SPIRE1: variants seen among roughly 807,000 people sequenced by gnomAD.
SPIRE1 encodes the protein protein spire homolog 1.
A neutral mutation model predicts 94.1 loss-of-function variants in SPIRE1; 40 were observed. That is an observed-to-expected ratio of 0.43 (90% CI 0.33 to 0.55). SPIRE1 has a LOEUF of 0.55. SPIRE1 is among the 20% of genes least tolerant of loss of function. SPIRE1 has a pLI of 0.06. For synonymous variants in SPIRE1, 376 were observed against 371.7 expected (o/e 1.01, Z -0.13); for missense variants, 838 against 975.2 (o/e 0.86, Z 1.87).
intron 10 of SPIRE1, among the ~76,000 whole-genome samples, chr18:12,465,955 G>A (rs185699648): frequency 7.8e-4 from 118 of 151,938 alleles, no homozygotes; most frequent in African/African-American, 2.7e-3. Context: ...GTGGTGGCAC[G>A]CGCCTGTAGT....
intron 2 of SPIRE1, among the ~76,000 whole-genome samples, chr18:12,574,814 G>C (rs779828257): frequency 6.6e-6 from 1 of 152,226 alleles, no homozygotes; most frequent in African/African-American, 2.4e-5. Context: ...TTGGGAAAGG[G>C]AGAAAAGGAT....
chr18:12,658,180 C>A (rs1187228400), upstream of SPIRE1: 2 of 796,574 alleles, frequency 2.5e-6, no homozygotes, highest in African/African-American at 1.9e-5. Flanking sequence ...GGGGGCCGCA[C>A]GGGCCGGGGG....
At chr18:12,519,369 C>G (rs1211748339) in intron 4 of SPIRE1, among the ~76,000 whole-genome samples, 10 of 152,056 alleles carry the variant, frequency 6.6e-5, no homozygotes, top group Non-Finnish European at 1.3e-4. Context: ...CACACACACA[C>G]GCAAACACTC....
chr18:12,644,967 C>T (rs1567988389), intron 1 of SPIRE1, among the ~76,000 whole-genome samples: 1 of 152,068 alleles, frequency 6.6e-6, no homozygotes, highest in Non-Finnish European at 1.5e-5. Flanking sequence ...CGGCCGGGCA[C>T]CATGGCTCAC....
rs2038588696 is a variant in SPIRE1, at chr18:12,657,613, G to A, written c.254C>T (p.Ala85Val). The A allele has an allele frequency of 1.5e-6, 2 of 1,292,814 alleles. No individual in the cohort carries two copies. The highest frequency in any genetic ancestry group is 3.8e-5 in the Admixed American group (1 of 26,266). The allele number at this position is 1,292,814 out of a possible 1,614,324, so 80.1% of individuals were successfully genotyped here. Residue 85 changes from alanine to valine, a missense_variant, in exon 1 of 17, where the codon GCC becomes GTC. Ala to Val is a moderately conservative substitution (Grantham distance 64, BLOSUM62 0). This residue lies in a region of SPIRE1 where 193 missense variants were observed against 170.5 expected (regional missense o/e 1.13). Coordinates refer to ENST00000409402, the MANE Select transcript of SPIRE1 (RefSeq NM_001128626.2). ...RRQPRHRVRS[A>V]AQIRVWRDGA... ...GTCCCTCCAGACGCGGATCTGCGCG[G>A]CCGAGCGCACACGGTGGCGGGGCTG...
intron 1 of SPIRE1, chr18:12,656,635 T>G (rs1368216438): frequency 1.1e-6 from 1 of 872,324 alleles, no homozygotes; most frequent in African/African-American, 1.8e-5. Flanking sequence ...TTTTTCTATG[T>G]TTTTAATAGA....
chr18:12,580,339 T>G (rs373275628), intron 2 of SPIRE1, among the ~76,000 whole-genome samples: 20 of 152,204 alleles, frequency 1.3e-4, no homozygotes, highest in East Asian at 7.7e-4. Flanking sequence ...CTTTTTTTTT[T>G]GGGAGATGGA....
intron 2 of SPIRE1, among the ~76,000 whole-genome samples, chr18:12,566,035 CA>C (rs952452042): frequency 3.7e-4 from 52 of 139,512 alleles, no homozygotes; most frequent in East Asian, 1.3e-3. Context: ...AACAAACAAA[CA>C]AAAAAAAAAA....
At chr18:12,612,968 G>C (rs1435236996) in intron 2 of SPIRE1, among the ~76,000 whole-genome samples, 1 of 152,016 alleles carries the variant, frequency 6.6e-6, no homozygotes, top group Admixed American at 6.6e-5. Flanking sequence ...CCATCACAGG[G>C]CCCTATTTTA....
chr18:12,482,967 G>A (rs183790475), intron 9 of SPIRE1, among the ~76,000 whole-genome samples: 1 of 149,144 alleles, frequency 6.7e-6, no homozygotes, highest in Admixed American at 6.6e-5. Context: ...TTGAGACAGG[G>A]TCTCATTCTG....
intron 1 of SPIRE1, chr18:12,653,238 T>C (rs1435952578): frequency 6.6e-6 from 1 of 152,234 alleles, no homozygotes; most frequent in Admixed American, 6.6e-5. Flanking sequence ...CAGCCAAAAA[T>C]GCCGACAGTG....
chr18:12,460,347 G>A (rs943284081), intron 12 of SPIRE1, among the ~76,000 whole-genome samples: 13 of 152,256 alleles, frequency 8.5e-5, no homozygotes, highest in African/African-American at 2.9e-4. Flanking sequence ...TTTGCCCTCG[G>A]TTATTTGACC....
intron 6 of SPIRE1, among the ~76,000 whole-genome samples, chr18:12,501,941 G>A (rs2033679605): frequency 1.3e-5 from 2 of 152,140 alleles, no homozygotes; most frequent in East Asian, 1.9e-4. Flanking sequence ...CAGCCCAGGC[G>A]ACAGAGCAAG....
At chr18:12,634,421 T>C (rs80025520) in intron 2 of SPIRE1, among the ~76,000 whole-genome samples, 25,727 of 151,912 alleles carry the variant, frequency 0.17, 2,513 homozygotes, top group Middle Eastern at 0.23. Flanking sequence ...GTATTTATTA[T>C]ATGACATACT....
chr18:12,593,127 C>A (rs1462833833), intron 2 of SPIRE1, among the ~76,000 whole-genome samples: 2 of 152,222 alleles, frequency 1.3e-5, no homozygotes, highest in Non-Finnish European at 2.9e-5. Context: ...TTGGTTTAAA[C>A]TATGGTTACA....
At chr18:12,556,679 C>T (rs1287750369) in intron 2 of SPIRE1, among the ~76,000 whole-genome samples, 1 of 151,910 alleles carries the variant, frequency 6.6e-6, no homozygotes, top group Non-Finnish European at 1.5e-5. Flanking sequence ...TCATTCCTCC[C>T]CTCTGGAGTT....
At chr18:12,656,204 T>A (rs1366890228) in intron 1 of SPIRE1, among the ~76,000 whole-genome samples, 1 of 150,766 alleles carries the variant, frequency 6.6e-6, no homozygotes, top group East Asian at 1.9e-4. Context: ...TGGCAGACAT[T>A]GCTGTATTTT....
intron 1 of SPIRE1, among the ~76,000 whole-genome samples, chr18:12,641,865 C>CTCTG (rs1491491511): frequency 7.3e-6 from 1 of 137,752 alleles, no homozygotes; most frequent in East Asian, 2.1e-4. Context: ...TGGAGTCTTG[C>CTCTG]TCTGTCGCCC....
intron 2 of SPIRE1, among the ~76,000 whole-genome samples, chr18:12,558,096 T>C (rs11080584): frequency 0.4 from 61,019 of 152,096 alleles, 14,364 homozygotes; most frequent in East Asian, 0.59. Flanking sequence ...GGTGGGTTAT[T>C]GGTCTCACTG....
Sources: allele counts gnomAD v4.1 joint callset (sites outside exome capture counted in the v4.1 genomes callset), GRCh38; gene constraint gnomAD v4.1.1; regional missense constraint gnomAD v4.1.1; transcripts MANE v1.5; gene names NCBI Gene and HGNC (gene_info 2026-07-23, HGNC 2026-07-21).